Variants in CNTNAP5 observed in about 807,000 individuals in gnomAD.
CNTNAP5 encodes contactin-associated protein-like 5.
CNTNAP5 carries 72 observed loss-of-function variants against 150.2 expected under a neutral mutation model. That is an observed-to-expected ratio of 0.48 (90% CI 0.40 to 0.58). The LOEUF is 0.58. Among genes scored for constraint, CNTNAP5 ranks in the 20% least tolerant of loss-of-function variants. CNTNAP5 has a pLI of 0.00. For missense variants in CNTNAP5, 1,636 were observed against 1,626.2 expected, an observed-to-expected ratio of 1.01 and a Z score of -0.10; for synonymous variants, 672 against 619.8, an observed-to-expected ratio of 1.08 and a Z score of -1.25.
intron 18 of CNTNAP5, among the ~76,000 whole-genome samples, chr2:124,794,551 G>C (rs1681804571): frequency 6.6e-6 from 1 of 152,120 alleles, no homozygotes; most frequent in African/African-American, 2.4e-5. Context: ...AAAAATAAAA[G>C]TATGTACATT....
chr2:124,620,774 C>CAT (rs1320787136), intron 12 of CNTNAP5, among the ~76,000 whole-genome samples: 4 of 140,128 alleles, frequency 2.9e-5, no homozygotes, highest in Non-Finnish European at 6.3e-5. Flanking sequence ...CACACACACA[C>CAT]ATATATATGC....
At chr2:124,794,267 G>A (rs1252865525) in intron 18 of CNTNAP5, among the ~76,000 whole-genome samples, 6 of 152,150 alleles carry the variant, frequency 3.9e-5, no homozygotes, top group East Asian at 1.9e-4. Flanking sequence ...TACAGTCCAC[G>A]TTGTATGACA....
intron 3 of CNTNAP5, among the ~76,000 whole-genome samples, chr2:124,367,260 AG>A (rs1178412976): frequency 1.3e-5 from 2 of 152,208 alleles, no homozygotes; most frequent in African/African-American, 4.8e-5. Flanking sequence ...GGTGCTGTGA[AG>A]AATACTTGAG....
chr2:124,120,005 A>G (rs1683523733), intron 1 of CNTNAP5, among the ~76,000 whole-genome samples: 1 of 152,168 alleles, frequency 6.6e-6, no homozygotes, highest in Non-Finnish European at 1.5e-5. Flanking sequence ...ATCTGATTTA[A>G]TTGTTCTGTG....
At chr2:124,781,112 T>C (rs1345316003) in intron 17 of CNTNAP5, among the ~76,000 whole-genome samples, 1 of 152,182 alleles carries the variant, frequency 6.6e-6, no homozygotes, top group Non-Finnish European at 1.5e-5. Context: ...CATCCTTTTT[T>C]CCCCACTCAC....
At chr2:124,149,994 T>C (rs1684365697) in intron 1 of CNTNAP5, among the ~76,000 whole-genome samples, 1 of 152,226 alleles carries the variant, frequency 6.6e-6, no homozygotes, top group African/African-American at 2.4e-5. Flanking sequence ...CCTAGATCTC[T>C]GTCTCTTGTA....
intron 1 of CNTNAP5, among the ~76,000 whole-genome samples, chr2:124,149,013 A>G (rs1041543777): frequency 6.6e-6 from 1 of 152,174 alleles, no homozygotes; most frequent in Non-Finnish European, 1.5e-5. Flanking sequence ...GAGCATTATC[A>G]ATAGTTTTCC....
chr2:124,031,556 A>G (rs1244711913), intron 1 of CNTNAP5, among the ~76,000 whole-genome samples: 1 of 152,174 alleles, frequency 6.6e-6, no homozygotes, highest in African/African-American at 2.4e-5. Context: ...CCCTGCAGCT[A>G]TAGAAGCTTT....
At chr2:124,083,665 G>A (rs1373323750) in intron 1 of CNTNAP5, among the ~76,000 whole-genome samples, 9 of 151,834 alleles carry the variant, frequency 5.9e-5, no homozygotes, top group African/African-American at 2.2e-4. Flanking sequence ...ATTGATTTAT[G>A]TGTCCCTCTT....
intron 1 of CNTNAP5, among the ~76,000 whole-genome samples, chr2:124,201,926 T>C (rs916509621): frequency 2.0e-5 from 3 of 152,200 alleles, no homozygotes; most frequent in Non-Finnish European, 4.4e-5. Flanking sequence ...TTCATTAGCC[T>C]CACCATTAAT....
At chr2:124,813,345 G>C (rs985098152) in intron 19 of CNTNAP5, among the ~76,000 whole-genome samples, 1 of 149,692 alleles carries the variant, frequency 6.7e-6, no homozygotes, top group Non-Finnish European at 1.5e-5. Flanking sequence ...CCAAAATGCT[G>C]GGATTACAGG....
chr2:124,525,779 TTTAATTCATG>T (rs1331356016), intron 9 of CNTNAP5, among the ~76,000 whole-genome samples: 4 of 152,190 alleles, frequency 2.6e-5, no homozygotes, highest in Non-Finnish European at 1.5e-5. Context: ...CTTAACCTCA[TTTAATTCATG>T]CAGAAACCTT....
chr2:124,588,110 CCCT>C (rs1696583871), intron 11 of CNTNAP5, among the ~76,000 whole-genome samples: 1 of 148,130 alleles, frequency 6.8e-6, no homozygotes, highest in Admixed American at 6.8e-5. Context: ...TTCCTTCCTT[CCCT>C]CCTTTTCCTT....
intron 13 of CNTNAP5, among the ~76,000 whole-genome samples, chr2:124,688,967 G>A (rs1296424511): frequency 6.6e-6 from 1 of 152,078 alleles, no homozygotes; most frequent in African/African-American, 2.4e-5. Context: ...GATAATAGCA[G>A]GCAGATAATT....
intron 1 of CNTNAP5, among the ~76,000 whole-genome samples, chr2:124,205,706 CT>C (rs1451585169): frequency 6.6e-6 from 1 of 152,144 alleles, no homozygotes; most frequent in Non-Finnish European, 1.5e-5. Context: ...CCGGCCAAAC[CT>C]TTTTTCTTTA....
intron 11 of CNTNAP5, among the ~76,000 whole-genome samples, chr2:124,588,093 TC>T (rs1387198125): frequency 2.0e-4 from 23 of 113,058 alleles, no homozygotes; most frequent in Admixed American, 1.9e-3. Context: ...TTTCTTTCTT[TC>T]TTTTCTTCCT....
At chr2:124,784,988 T>G (rs1681532258) in intron 17 of CNTNAP5, among the ~76,000 whole-genome samples, 1 of 149,586 alleles carries the variant, frequency 6.7e-6, no homozygotes, top group Admixed American at 6.7e-5. Context: ...AATATTGTTT[T>G]TAGAACCAGA....
At position 124,080,481 on chromosome 2, in the gene CNTNAP5, A is replaced by G. The variant is rs148980691; in HGVS notation, c.82+54749A>G. Among the ~76,000 whole-genome samples, 721 of 152,296 alleles carry G rather than the reference A, an allele frequency of 4.7e-3. 7 individuals are homozygous for G. Among genetic ancestry groups the G allele is most frequent in the African/African-American group, 0.016 (666 of 41,568 alleles). ...CTCAGGCTTTGTGAAAGAGCCAGTG[A>G]CTTTGAACCGCTGCATGAATGTGGG... On this transcript the variant is annotated intron_variant, in intron 1 of 23. Transcript: ENST00000682447.
intron 3 of CNTNAP5, among the ~76,000 whole-genome samples, chr2:124,273,970 G>A (rs1185964487): frequency 6.6e-6 from 1 of 152,058 alleles, no homozygotes; most frequent in Admixed American, 6.6e-5. Context: ...CATTGGCCTG[G>A]AGAAATATCT....
Sources: allele counts gnomAD v4.1 joint callset (sites outside exome capture counted in the v4.1 genomes callset), GRCh38; gene constraint gnomAD v4.1.1; transcripts MANE v1.5; gene names NCBI Gene and HGNC (gene_info 2026-07-23, HGNC 2026-07-21).